Variants in PRKX observed in about 807,000 individuals in gnomAD.
PRKX encodes cAMP-dependent protein kinase catalytic subunit PRKX.
A neutral mutation model predicts 22.0 loss-of-function variants in PRKX; 12 were observed. That is an observed-to-expected ratio of 0.54 (90% CI 0.35 to 0.88). The LOEUF (loss-of-function observed/expected upper bound fraction) is 0.88. Ranked by LOEUF, PRKX falls within the 40% of genes least tolerant of loss-of-function variation. PRKX has a pLI of 0.01. For synonymous variants in PRKX, 134 were observed against 137.7 expected (o/e 0.97, Z 0.19); for missense variants, 217 against 308.0 (o/e 0.70, Z 2.21).
chrX:3,643,053 T>G (rs6641814), intron 3 of PRKX, among the ~76,000 whole-genome samples: 9 of 91,888 alleles, frequency 9.8e-5, no homozygotes, highest in Admixed American at 8.9e-4. Flanking sequence ...GGGTTTGTAC[T>G]TGTAACTGAG....
chrX:3,704,586 G>C (rs1448748269), intron 1 of PRKX, among the ~76,000 whole-genome samples: 1 of 110,899 alleles, frequency 9.0e-6, no homozygotes, highest in East Asian at 2.8e-4. Flanking sequence ...AGGATCCCTT[G>C]AGCCTGGGAC....
At chrX:3,679,502 C>T (rs952558758) in intron 1 of PRKX, among the ~76,000 whole-genome samples, 3 of 112,437 alleles carry the variant, frequency 2.7e-5, no homozygotes, top group Admixed American at 9.5e-5. Context: ...AAGCTAAAGG[C>T]TCTGAATACT....
At chrX:3,639,537 GGGGT>G (rs1927018494) in intron 4 of PRKX, among the ~76,000 whole-genome samples, 1 of 69,692 alleles carries the variant, frequency 1.4e-5, no homozygotes, top group Non-Finnish European at 2.9e-5. Flanking sequence ...GATGGATGAC[GGGGT>G]GGGTGGGTGG....
At chrX:3,668,359 T>C (rs934406158) in intron 2 of PRKX, among the ~76,000 whole-genome samples, 1 of 110,279 alleles carries the variant, frequency 9.1e-6, no homozygotes, top group African/African-American at 3.3e-5. Context: ...ATTTCTAGAT[T>C]TTTGCCTTTA....
At position 3,674,784 on chromosome X, in the gene PRKX, C is replaced by T. The variant is rs762246678; in HGVS notation, c.167-18G>A. The T allele has an allele frequency of 2.5e-5, 30 of 1,207,430 alleles. No individual in the cohort carries two copies. Among genetic ancestry groups the T allele is most frequent in the Non-Finnish European group, 3.0e-5 (27 of 891,686 alleles). On this transcript the variant is annotated intron_variant, in intron 1 of 8. Transcript: ENST00000262848. ...CCCAGTGCCTGGAGAGAGAAGAAAT[C>T]GACAGAGGTCATTAAGTCTTCCGAC...
At chrX:3,653,759 G>A (rs1429281380) in intron 3 of PRKX, among the ~76,000 whole-genome samples, 2 of 60,942 alleles carry the variant, frequency 3.3e-5, no homozygotes, top group Non-Finnish European at 5.6e-5. Flanking sequence ...TATACTATGT[G>A]ATATATATAA....
chrX:3,614,948 T>C (rs1467604970), intron 7 of PRKX, among the ~76,000 whole-genome samples: 3 of 108,637 alleles, frequency 2.8e-5, no homozygotes, highest in Non-Finnish European at 5.7e-5. Flanking sequence ...TTGCTTAACT[T>C]CTCTGAGCAC....
intron 4 of PRKX, among the ~76,000 whole-genome samples, chrX:3,631,600 G>A (rs778850145): frequency 1.8e-5 from 2 of 112,717 alleles, no homozygotes; most frequent in Non-Finnish European, 3.8e-5. Flanking sequence ...TTCAGCAATA[G>A]GGTCTTTGCA....
chrX:3,643,264 C>T (rs1438324866), intron 3 of PRKX, among the ~76,000 whole-genome samples: 1 of 111,038 alleles, frequency 9.0e-6, no homozygotes, highest in Non-Finnish European at 1.9e-5. Flanking sequence ...TGTACTTCTT[C>T]CCCTAAGAAA....
intron 3 of PRKX, among the ~76,000 whole-genome samples, chrX:3,645,953 T>C (rs1490756519): frequency 9.1e-6 from 1 of 109,449 alleles, no homozygotes; most frequent in Non-Finnish European, 1.9e-5. Context: ...AAAATGTTAA[T>C]AAAGATGGTT....
At chrX:3,661,441 T>C (rs749153029) in intron 2 of PRKX, among the ~76,000 whole-genome samples, 77 of 109,953 alleles carry the variant, frequency 7.0e-4, no homozygotes, top group African/African-American at 2.3e-3. Context: ...ACTCTGTCTC[T>C]GCAAAAAATA....
At chrX:3,633,327 G>A (rs967091465) in intron 4 of PRKX, among the ~76,000 whole-genome samples, 2 of 109,620 alleles carry the variant, frequency 1.8e-5, no homozygotes, top group East Asian at 2.9e-4. Context: ...TTGGGAGGCC[G>A]AGGCAGGTGG....
Position 3,713,115 on chromosome X carries a change from G to C in PRKX, c.139C>G (p.Gln47Glu), listed in dbSNP as rs1225741696. ...LSPEPPVYSLQDFDTLATVGT... is the reference protein window; with the variant it reads ...LSPEPPVYSLEDFDTLATVGT... The stretch of plus-strand genomic sequence containing the variant: ...ACGGTGGCCAGCGTGTCAAAGTCCT[G>C]CAGGCTGTACACAGGCGGCTCCGGC... Residue 47 changes from glutamine (Q) to glutamate (E), a missense_variant, in exon 1 of 9, where the codon CAG becomes GAG. By Grantham distance (29) the Gln-to-Glu change is conservative. Coordinates refer to ENST00000262848, the MANE Select transcript of PRKX (RefSeq NM_005044.5). The C allele has an allele frequency of 3.4e-6, 4 of 1,165,773 alleles. No individual in the cohort carries two copies. In the African/African-American group the frequency reaches 7.3e-5, roughly 21 times the overall value.
intron 1 of PRKX, among the ~76,000 whole-genome samples, chrX:3,688,620 T>TGGG (rs1569060692): frequency 3.6e-5 from 4 of 110,222 alleles, no homozygotes; most frequent in African/African-American, 1.3e-4. Flanking sequence ...CCCAGCACTT[T>TGGG]AGAAGGCTGA....
chrX:3,660,800 AG>A (rs1262050611), intron 2 of PRKX, among the ~76,000 whole-genome samples: 4 of 111,115 alleles, frequency 3.6e-5, no homozygotes, highest in Middle Eastern at 4.2e-3. Flanking sequence ...CTTGGCTTGC[AG>A]GGGAAGTTGC....
intron 8 of PRKX, among the ~76,000 whole-genome samples, chrX:3,610,303 A>T (rs1926267104): frequency 9.0e-6 from 1 of 111,072 alleles, no homozygotes; most frequent in Non-Finnish European, 1.9e-5. Context: ...CAACATGGCA[A>T]AACCCATCTC....
chrX:3,660,396 C>T (rs932109102), intron 2 of PRKX, among the ~76,000 whole-genome samples: 2 of 111,902 alleles, frequency 1.8e-5, no homozygotes, highest in African/African-American at 3.2e-5. Context: ...CTGTCTACAA[C>T]TGTTAATTTG....
At chrX:3,618,067 A>G (rs1453939236) in intron 6 of PRKX, among the ~76,000 whole-genome samples, 30 of 86,616 alleles carry the variant, frequency 3.5e-4, no homozygotes, top group South Asian at 1.3e-3. Flanking sequence ...AAAAAAAAAA[A>G]AGAGAGAGAG....
rs778286759 is a variant in PRKX at position 3,637,365 on chromosome X, T to C, written c.719+4487A>G. ...AAGCAACAAGCGGGCTCCCAGGGAA[T>C]AGGGACACAGCTGATGGGTACGTGG... On this transcript the variant is annotated intron_variant, in intron 4 of 8. Coordinates refer to ENST00000262848, the MANE Select transcript of PRKX (RefSeq NM_005044.5). Among the ~76,000 whole-genome samples the C allele has an allele frequency of 8.1e-5, 9 of 111,114 alleles. No individual in the cohort carries two copies. The South Asian group carries it at 3.5e-3, about 43-fold the overall frequency.
Sources: gnomAD v4.1 joint callset for allele counts (sites outside exome capture counted in the v4.1 genomes callset) on GRCh38, gnomAD v4.1.1 for gene constraint, MANE v1.5 for transcripts, NCBI Gene and HGNC (gene_info 2026-07-23, HGNC 2026-07-21) for gene names.